The following SLIT3 variants were observed in gnomAD, a reference collection of about 807,000 sequenced individuals.
SLIT3 encodes slit guidance ligand 3, also known as slit homolog 3 protein.
A neutral mutation model predicts 184.0 loss-of-function variants in SLIT3; 68 were observed. The ratio of observed to expected loss-of-function variants is 0.37; its 90% CI spans 0.30 to 0.45. The LOEUF (loss-of-function observed/expected upper bound fraction) is 0.45. Among genes scored for constraint, SLIT3 ranks in the 20% least tolerant of loss-of-function variants. The pLI is 1.00. For synonymous variants in SLIT3, 831 were observed against 828.6 expected (o/e 1.00, Z -0.05); for missense variants, 1,707 against 2,026.0 (o/e 0.84, Z 3.02).
chr5:169,187,886 T>A (rs1457091943), intron 4 of SLIT3, among the ~76,000 whole-genome samples: 1 of 149,878 alleles, frequency 6.7e-6, no homozygotes, highest in Non-Finnish European at 1.5e-5. Context: ...AAAAAAAAGT[T>A]GTGAACCCAT....
chr5:169,078,804 A>G (rs1427210356), intron 4 of SLIT3, among the ~76,000 whole-genome samples: 4 of 152,232 alleles, frequency 2.6e-5, no homozygotes, highest in African/African-American at 9.6e-5. Flanking sequence ...ATCATACCAG[A>G]CACGCCAAGT....
At chr5:169,262,729 TTTAA>T (rs141385870) in intron 1 of SLIT3, among the ~76,000 whole-genome samples, 17,577 of 152,114 alleles carry the variant, frequency 0.12, 1,397 homozygotes, top group Non-Finnish European at 0.17. Context: ...GCTTGCCTCA[TTTAA>T]TTCTTTCTTC....
At chr5:169,093,292 G>A (rs1270163882) in intron 4 of SLIT3, among the ~76,000 whole-genome samples, 1 of 152,132 alleles carries the variant, frequency 6.6e-6, no homozygotes, top group African/African-American at 2.4e-5. Flanking sequence ...CCAGTTTAGT[G>A]ATTATTGTAG....
At chr5:169,152,506 T>G (rs1762149947) in intron 4 of SLIT3, among the ~76,000 whole-genome samples, 1 of 152,146 alleles carries the variant, frequency 6.6e-6, no homozygotes, top group Admixed American at 6.5e-5. Context: ...GGGGGCAAAG[T>G]GTCTGGGCAC....
At chr5:169,201,141 G>T (rs546349635) in intron 3 of SLIT3, among the ~76,000 whole-genome samples, 1 of 152,162 alleles carries the variant, frequency 6.6e-6, no homozygotes, top group Non-Finnish European at 1.5e-5. Context: ...ATGGTATTCA[G>T]TATTTGATCA....
intron 4 of SLIT3, among the ~76,000 whole-genome samples, chr5:168,979,402 A>T (rs1754875323): frequency 6.6e-6 from 1 of 152,170 alleles, no homozygotes; most frequent in Non-Finnish European, 1.5e-5. Flanking sequence ...TGGCTGGGGT[A>T]CCACTGTGAA....
At chr5:169,195,193 T>C (rs778415366) in intron 3 of SLIT3, among the ~76,000 whole-genome samples, 7 of 152,158 alleles carry the variant, frequency 4.6e-5, no homozygotes, top group Non-Finnish European at 8.8e-5. Flanking sequence ...CCTGGCCCCC[T>C]TCCCCTGCCA....
At chr5:168,843,670 C>T (rs374425355) in intron 6 of SLIT3, among the ~76,000 whole-genome samples, 78 of 152,336 alleles carry the variant, frequency 5.1e-4, no homozygotes, top group South Asian at 3.3e-3. Context: ...CACACGTCTC[C>T]TGACAGAAGT....
At chr5:169,096,876 C>G (rs1356308757) in intron 4 of SLIT3, among the ~76,000 whole-genome samples, 1 of 152,146 alleles carries the variant, frequency 6.6e-6, no homozygotes, top group Non-Finnish European at 1.5e-5. Context: ...TCCCAGGTAG[C>G]GTGACTCCAA....
rs550111945 is a variant in SLIT3 at position 168,883,541 on chromosome 5, G to A, written c.414-205C>T. Among the ~76,000 whole-genome samples, 14 of 152,340 alleles carry A rather than the reference G, an allele frequency of 9.2e-5. No homozygotes were observed. The East Asian group carries it at 1.2e-3, about 13-fold the overall frequency. On this transcript the variant is annotated intron_variant, in intron 4 of 35. Coordinates refer to ENST00000519560, the MANE Select transcript of SLIT3 (RefSeq NM_003062.4). ...GCCGTTGCTGAAATGGTTACCAGGC[G>A]GAGCAGCTCGCCTCCAGGGCAGGCT...
intron 12 of SLIT3, among the ~76,000 whole-genome samples, chr5:168,785,467 T>C (rs1010659263): frequency 1.3e-5 from 2 of 152,270 alleles, no homozygotes; most frequent in Non-Finnish European, 1.5e-5. Context: ...TCTCGAATTA[T>C]TCCCTCTGCC....
intron 4 of SLIT3, among the ~76,000 whole-genome samples, chr5:169,118,084 G>A (rs946783281): frequency 3.9e-5 from 6 of 151,992 alleles, no homozygotes; most frequent in African/African-American, 1.4e-4. Context: ...AGGCCAAGGC[G>A]GGAGGATCAC....
intron 23 of SLIT3, among the ~76,000 whole-genome samples, chr5:168,713,281 G>A (rs1218358849): frequency 6.6e-6 from 1 of 152,202 alleles, no homozygotes; most frequent in East Asian, 1.9e-4. Flanking sequence ...CCACCCTGTG[G>A]TGTAGGCAGC....
chr5:169,245,681 TCAG>T, intron 2 of SLIT3, among the ~76,000 whole-genome samples: 1 of 152,234 alleles, frequency 6.6e-6, no homozygotes, highest in African/African-American at 2.4e-5. Context: ...TCTGGATTAC[TCAG>T]GAGGAGAGGT....
chr5:168,750,538 G>A (rs1561910113), intron 18 of SLIT3, among the ~76,000 whole-genome samples: 1 of 152,214 alleles, frequency 6.6e-6, no homozygotes, highest in Non-Finnish European at 1.5e-5. Context: ...CTGACACTCA[G>A]TAGCTGTGTG....
chr5:168,732,019 T>C (rs1253945761), intron 20 of SLIT3, among the ~76,000 whole-genome samples: 1 of 152,106 alleles, frequency 6.6e-6, no homozygotes, highest in Admixed American at 6.5e-5. Flanking sequence ...CTGCTGATGA[T>C]ATGATCTTAT....
chr5:169,193,444 GCACAAGGTAGAGAA>G (rs1763627173), intron 4 of SLIT3, 21 bp downstream of exon 4: 1 of 1,583,414 alleles, frequency 6.3e-7, no homozygotes, highest in Admixed American at 1.7e-5. Context: ...GCCAGGCAAG[GCACAAGGTAGAGAA>G]CACAAGGCAA....
At chr5:169,002,636 CTAGAAACAGGGGCTCTAATG>C (rs948863173) in intron 4 of SLIT3, among the ~76,000 whole-genome samples, 1 of 152,156 alleles carries the variant, frequency 6.6e-6, no homozygotes, top group Non-Finnish European at 1.5e-5. Flanking sequence ...GTGGAAGAGA[CTAGAAACAGGGGCTCTAATG>C]TAGAAACATC....
intron 6 of SLIT3, among the ~76,000 whole-genome samples, chr5:168,824,281 C>G (rs967268682): frequency 6.6e-6 from 1 of 152,206 alleles, no homozygotes; most frequent in African/African-American, 2.4e-5. Flanking sequence ...CTCTGCGCAT[C>G]TCTTCTTTCC....
Sources: allele counts gnomAD v4.1 joint callset (sites outside exome capture counted in the v4.1 genomes callset), GRCh38; gene constraint gnomAD v4.1.1; transcripts MANE v1.5; gene names NCBI Gene and HGNC (gene_info 2026-07-23, HGNC 2026-07-21).